Variants in ITFG1 observed in about 807,000 individuals in gnomAD.
The protein encoded by ITFG1 is integrin alpha FG-GAP repeat containing 1.
ITFG1 carries 34 observed loss-of-function variants against 81.8 expected under a neutral mutation model. The observed-to-expected ratio is 0.42, with a 90% confidence interval of 0.32 to 0.55. The LOEUF (loss-of-function observed/expected upper bound fraction) is 0.55, where lower values mean the gene tolerates loss of function less well. ITFG1 is among the 20% of genes least tolerant of loss of function. ITFG1 has a pLI of 0.17. For synonymous variants in ITFG1, 285 were observed against 270.6 expected, an observed-to-expected ratio of 1.05 and a Z score of -0.52; for missense variants, 672 against 755.4, an observed-to-expected ratio of 0.89 and a Z score of 1.29.
At chr16:47,180,842 C>T (rs1461954328) in intron 14 of ITFG1, among the ~76,000 whole-genome samples, 1 of 151,646 alleles carries the variant, frequency 6.6e-6, no homozygotes, top group Non-Finnish European at 1.5e-5. Flanking sequence ...GCCTGGCCGC[C>T]CATCGTCTGG....
At chr16:47,292,313 T>C (rs1263191159) in intron 10 of ITFG1, among the ~76,000 whole-genome samples, 1 of 152,116 alleles carries the variant, frequency 6.6e-6, no homozygotes, top group East Asian at 1.9e-4. Flanking sequence ...TGCCCAGCCT[T>C]TCCTTGCTTT....
intron 10 of ITFG1, among the ~76,000 whole-genome samples, chr16:47,286,940 T>C (rs554436332): frequency 1.3e-5 from 2 of 152,296 alleles, no homozygotes; most frequent in Non-Finnish European, 1.5e-5. Context: ...ACAAAATCTA[T>C]ATTCTTTCAC....
chr16:47,159,731 T>C (rs1159027324), intron 16 of ITFG1, among the ~76,000 whole-genome samples: 2 of 152,150 alleles, frequency 1.3e-5, no homozygotes, highest in African/African-American at 4.8e-5. Context: ...CACATAACTT[T>C]TTGTTCTTCC....
chr16:47,195,603 T>C (rs1261550540), intron 14 of ITFG1, among the ~76,000 whole-genome samples: 1 of 152,230 alleles, frequency 6.6e-6, no homozygotes, highest in African/African-American at 2.4e-5. Flanking sequence ...GTTTCTGACT[T>C]ATCATATTCC....
intron 8 of ITFG1, among the ~76,000 whole-genome samples, chr16:47,319,048 T>G (rs963935684): frequency 6.6e-6 from 1 of 152,230 alleles, no homozygotes; most frequent in African/African-American, 2.4e-5. Flanking sequence ...TTGGTCTATC[T>G]TGCACTTTGA....
chr16:47,288,343 CTT>C (rs781467441), intron 10 of ITFG1, among the ~76,000 whole-genome samples: 2 of 152,182 alleles, frequency 1.3e-5, no homozygotes, highest in Non-Finnish European at 2.9e-5. Flanking sequence ...CAATTCATCT[CTT>C]GATGAATAGT....
chr16:47,303,658 C>T (rs1452724789), intron 10 of ITFG1, among the ~76,000 whole-genome samples: 2 of 152,186 alleles, frequency 1.3e-5, no homozygotes, highest in African/African-American at 4.8e-5. Flanking sequence ...AGGTCTGACT[C>T]TGTCACCCAG....
chr16:47,392,814 T>C (rs1968549500), intron 6 of ITFG1, among the ~76,000 whole-genome samples: 1 of 152,202 alleles, frequency 6.6e-6, no homozygotes, highest in African/African-American at 2.4e-5. Flanking sequence ...AGGAACAATA[T>C]CTGACACTGG....
Position 47,455,982 on chromosome 16 carries a change from G to T in ITFG1, c.282-1824C>A, listed in dbSNP as rs186661488. 2.2e-4 allele frequency among the ~76,000 whole-genome samples: 34 copies of T among 152,154 alleles called. No individual in the cohort carries two copies. The East Asian group carries it at 6.6e-3, about 29-fold the overall frequency. On this transcript the variant is annotated intron_variant, in intron 2 of 17. Transcript: ENST00000320640. ...ATTTTTCAAAGAAATATTTAATAAT[G>T]TAAGAGTATTTCAAAAAGCTCCCAA...
chr16:47,366,176 A>G (rs558070535), intron 7 of ITFG1, among the ~76,000 whole-genome samples: 3 of 152,324 alleles, frequency 2.0e-5, no homozygotes, highest in African/African-American at 7.2e-5. Context: ...AAATGTAAAG[A>G]ATTATAAAAC....
At chr16:47,253,811 T>A (rs1966108025) in intron 12 of ITFG1, among the ~76,000 whole-genome samples, 2 of 152,120 alleles carry the variant, frequency 1.3e-5, no homozygotes, top group Admixed American at 1.3e-4. Flanking sequence ...CAGGGGAAGC[T>A]TTGCTCGCCC....
intron 14 of ITFG1, among the ~76,000 whole-genome samples, chr16:47,174,115 A>G (rs1453666622): frequency 6.6e-6 from 1 of 152,224 alleles, no homozygotes; most frequent in Non-Finnish European, 1.5e-5. Flanking sequence ...TCTCCATGAG[A>G]ATACTACACT....
In ITFG1 at chr16:47,311,262, T is replaced by C; in HGVS notation, c.1048A>G (p.Ile350Val). The change falls in exon 10 of 18, where the codon ATA becomes GTA. Residue 350 changes from isoleucine (I) to valine (V), a missense_variant. Ile to Val is a conservative substitution (Grantham distance 29, BLOSUM62 3). Around this residue, in one of 3 missense-constraint regions of ITFG1, gnomAD observed 560 missense variants for 625.7 expected, o/e 0.90. Coordinates refer to ENST00000320640, the MANE Select transcript of ITFG1 (RefSeq NM_030790.5). Reference sequence around the variant, plus strand: ...TACCTTCCAGATGTGTTCTTTAGTATGACCAGAGCGTCTGGATAGCCATCC... The same window carrying C: ...TACCTTCCAGATGTGTTCTTTAGTACGACCAGAGCGTCTGGATAGCCATCC... ...NMDGYPDALV[I>V]LKNTSGSNQQ... 6.2e-7 allele frequency: 1 copy of C among 1,610,670 alleles called. No homozygotes were observed. The highest frequency in any genetic ancestry group is 8.5e-7 in the Non-Finnish European group (1 of 1,178,432).
intron 8 of ITFG1, among the ~76,000 whole-genome samples, chr16:47,320,717 C>T: frequency 6.6e-6 from 1 of 152,104 alleles, no homozygotes; most frequent in Non-Finnish European, 1.5e-5. Context: ...ATAAAGGAGT[C>T]CATTATCCCT....
chr16:47,297,335 T>C (rs1018222990), intron 10 of ITFG1, among the ~76,000 whole-genome samples: 17 of 152,210 alleles, frequency 1.1e-4, no homozygotes. Flanking sequence ...GAGGATTTCT[T>C]ATAAGCAGCA....
At chr16:47,308,914 A>G (rs905309926) in intron 10 of ITFG1, among the ~76,000 whole-genome samples, 4 of 152,168 alleles carry the variant, frequency 2.6e-5, no homozygotes, top group African/African-American at 9.7e-5. Context: ...AAATATGTCA[A>G]CATTTTGACT....
intron 13 of ITFG1, among the ~76,000 whole-genome samples, chr16:47,219,273 G>C (rs1188046650): frequency 6.6e-6 from 1 of 151,998 alleles, no homozygotes; most frequent in Non-Finnish European, 1.5e-5. Context: ...TTTCCCTTCA[G>C]GGAGGGATTG....
intron 7 of ITFG1, among the ~76,000 whole-genome samples, chr16:47,372,358 C>T (rs2151589493): frequency 6.6e-6 from 1 of 152,214 alleles, no homozygotes; most frequent in Admixed American, 6.5e-5. Flanking sequence ...AATCCTCCTG[C>T]CTCAGCCTCC....
intron 13 of ITFG1, among the ~76,000 whole-genome samples, chr16:47,223,461 A>G (rs1185026850): frequency 6.6e-6 from 1 of 152,278 alleles, no homozygotes; most frequent in Non-Finnish European, 1.5e-5. Context: ...AACACATGGA[A>G]AAATGCTCAC....
Sources: allele counts gnomAD v4.1 joint callset (sites outside exome capture counted in the v4.1 genomes callset), GRCh38; gene constraint gnomAD v4.1.1; regional missense constraint gnomAD v4.1.1; transcripts MANE v1.5; gene names NCBI Gene and HGNC (gene_info 2026-07-23, HGNC 2026-07-21).